SLC7A5: variants seen among roughly 807,000 people sequenced by gnomAD.
SLC7A5 encodes the protein large neutral amino acids transporter small subunit 1.
A neutral mutation model predicts 50.2 loss-of-function variants in SLC7A5; 23 were observed. The ratio of observed to expected loss-of-function variants is 0.46; its 90% CI spans 0.33 to 0.65. The LOEUF (loss-of-function observed/expected upper bound fraction) is 0.65. Ranked by LOEUF, SLC7A5 falls within the 30% of genes least tolerant of loss-of-function variation. The probability of loss-of-function intolerance (pLI) is 0.02; values close to 1 mark genes in which losing one functional copy is unlikely to be tolerated. For synonymous variants in SLC7A5, 393 were observed against 330.6 expected (o/e 1.19, Z -2.05); for missense variants, 578 against 684.4 (o/e 0.84, Z 1.73).
At position 87,869,283 on chromosome 16, in the gene SLC7A5, T is replaced by C. The variant is rs752043592; in HGVS notation, c.140A>G (p.Gln47Arg). ...PAGEGEGVTLQRNITLLNGVA... is the reference protein window; with the variant it reads ...PAGEGEGVTLRRNITLLNGVA... ...GCCGTTGAGCAGCGTGATGTTCCGC[T>C]GCAGGGTCACGCCCTCGCCCTCGCC... Residue 47 changes from glutamine (Q) to arginine (R), a missense_variant, in exon 1 of 10, where the codon CAG becomes CGG. Gln to Arg is a conservative substitution (Grantham distance 43). Coordinates refer to ENST00000261622, the MANE Select transcript of SLC7A5 (RefSeq NM_003486.7). The C allele has an allele frequency of 5.0e-6, 8 of 1,611,996 alleles. No individual in the cohort carries two copies. The African/African-American group carries it at 5.3e-5, about 11-fold the overall frequency.
In SLC7A5 at chr16:87,865,932, A is replaced by T. The variant is rs1173926009; in HGVS notation, c.538+2953T>A. 5.9e-5 allele frequency among the ~76,000 whole-genome samples: 9 copies of T among 152,298 alleles called. No homozygotes were observed. The South Asian group carries it at 1.0e-3, about 18-fold the overall frequency. On this transcript the variant is annotated intron_variant, in intron 1 of 9. Coordinates refer to ENST00000261622, the MANE Select transcript of SLC7A5 (RefSeq NM_003486.7). ...TAAGCTCCGGAGGTTGAGGCAGGAG[A>T]ATCGTTTAAACCCAGGAAGCAGAGG...
rs2054928045 is a variant in SLC7A5, at chr16:87,830,937, G to C, written c.*2033C>G. On this transcript the variant is annotated 3_prime_UTR_variant, in exon 10 of 10. Transcript: ENST00000261622. ...CCTAGCCGAGGCGGGAAGGTAAGAGGCTGACGTCGTGCGTGGGCCCCGCCG... is the reference window on the plus strand; with the variant it reads ...CCTAGCCGAGGCGGGAAGGTAAGAGCCTGACGTCGTGCGTGGGCCCCGCCG... 1 of 152,300 alleles carries C rather than the reference G, an allele frequency of 6.6e-6. No individual in the cohort carries two copies. The highest frequency in any genetic ancestry group is 2.4e-5 in the African/African-American group (1 of 41,448). 9.4% of individuals were successfully genotyped at this position (152,300 alleles called of 1,614,324 possible).
intron 3 of SLC7A5, 47 bp from the exon 4 acceptor site, chr16:87,840,520 AAAAT>A: frequency 6.8e-7 from 1 of 1,481,212 alleles, no homozygotes; most frequent in East Asian, 2.3e-5. Context: ...CTCATCAGGG[AAAAT>A]AAATCACCGG....
Position 87,848,744 on chromosome 16 carries a change from G to T in SLC7A5, c.664+2980C>A, listed in dbSNP as rs1267697925. On this transcript the variant is annotated intron_variant, in intron 2 of 9. Transcript: ENST00000261622. ...ACCAGGGCCCCGCTTATTCCCCACT[G>T]CGACTCTCCCATTCACGTGCCTATG... is the stretch of plus-strand genomic sequence containing the variant. Among the ~76,000 whole-genome samples, 2 of 152,190 alleles carry T rather than the reference G, an allele frequency of 1.3e-5. 1 individual carries two copies. The highest frequency in any genetic ancestry group is 1.3e-4 in the Admixed American group (2 of 15,284).
At chr16:87,851,696 G>A (rs33975475) in intron 2 of SLC7A5, 28 bp downstream of exon 2, 45,479 of 1,603,632 alleles carry the variant, frequency 0.028, 1,015 homozygotes, top group Non-Finnish European at 0.031. Context: ...TCGAGGGGCC[G>A]CCGGTGGGGC....
At chr16:87,851,944 C>G (rs1379336740) in intron 1 of SLC7A5, 95 bp from the exon 2 acceptor site, 6 of 1,460,928 alleles carry the variant, frequency 4.1e-6, no homozygotes, top group Non-Finnish European at 5.7e-6. Flanking sequence ...CACCCCAGGG[C>G]CAGGTCCACC....
intron 1 of SLC7A5, among the ~76,000 whole-genome samples, chr16:87,866,110 T>G (rs4843273): frequency 0.39 from 58,134 of 150,160 alleles, 11,620 homozygotes; most frequent in African/African-American, 0.48. Flanking sequence ...GGGGCGGGGG[T>G]GCGGTGAGCA....
intron 3 of SLC7A5, among the ~76,000 whole-genome samples, chr16:87,840,805 C>T (rs565012113): frequency 2.0e-5 from 3 of 152,320 alleles, no homozygotes; most frequent in East Asian, 3.9e-4. Flanking sequence ...CTGCCACCTT[C>T]GCCAAGACTG....
intron 4 of SLC7A5, 128 bp from the exon 5 acceptor site, chr16:87,839,953 G>A: frequency 1.6e-6 from 2 of 1,279,536 alleles, no homozygotes; most frequent in Non-Finnish European, 2.2e-6. Flanking sequence ...CTCGGGGAAG[G>A]TGGGAAGCAG....
intron 3 of SLC7A5, 139 bp downstream of exon 3, chr16:87,840,911 T>C: frequency 1.5e-6 from 1 of 664,220 alleles, no homozygotes. Flanking sequence ...TGCCACTCTT[T>C]AACTGCCAAG....
At chr16:87,864,279 C>T (rs187586662) in intron 1 of SLC7A5, among the ~76,000 whole-genome samples, 11 of 151,414 alleles carry the variant, frequency 7.3e-5, no homozygotes, top group African/African-American at 1.9e-4. Context: ...ACAAAAAGAG[C>T]GAAACTCCAC....
At chr16:87,836,854 C>T (rs1030864790) in intron 7 of SLC7A5, 8 of 241,536 alleles carry the variant, frequency 3.3e-5, no homozygotes, top group South Asian at 1.9e-4. Flanking sequence ...AGGGAAGAGG[C>T]GGGGAGGAGG....
rs567328410 is a variant in SLC7A5 at position 87,844,761 on chromosome 16, C to T, written c.665-3606G>A. ...GGACAAGAGAGTCACTCCTCAAGCGCGGACTTTCCACTGTGCTGGGGCCTT... is the reference window on the plus strand; with the variant it reads ...GGACAAGAGAGTCACTCCTCAAGCGTGGACTTTCCACTGTGCTGGGGCCTT... On this transcript the variant is annotated intron_variant, in intron 2 of 9. Transcript: ENST00000261622. 1.9e-4 allele frequency among the ~76,000 whole-genome samples: 29 copies of T among 152,388 alleles called. No homozygotes were observed. In the South Asian group the frequency reaches 4.3e-3, roughly 23 times the overall value.
At chr16:87,856,912 T>C (rs1313714860) in intron 1 of SLC7A5, among the ~76,000 whole-genome samples, 4 of 152,240 alleles carry the variant, frequency 2.6e-5, no homozygotes, top group Admixed American at 6.5e-5. Context: ...AGACAACACA[T>C]CTGCACAGAA....
At chr16:87,856,463 C>A (rs565025233) in intron 1 of SLC7A5, among the ~76,000 whole-genome samples, 1 of 152,214 alleles carries the variant, frequency 6.6e-6, no homozygotes, top group Non-Finnish European at 1.5e-5. Context: ...GGCCGGAGAG[C>A]GGCAGCTGAC....
intron 8 of SLC7A5, among the ~76,000 whole-genome samples, chr16:87,835,289 G>A (rs111468954): frequency 6.6e-6 from 1 of 152,190 alleles, no homozygotes; most frequent in African/African-American, 2.4e-5. Flanking sequence ...CACAACAGTG[G>A]GTAGAGCCTA....
rs555141953 is a variant in SLC7A5, at chr16:87,836,200, C to T, written c.1290+298G>A. 3.3e-5 allele frequency among the ~76,000 whole-genome samples: 5 copies of T among 152,358 alleles called. No homozygotes were observed. In the South Asian group the frequency reaches 1.0e-3, roughly 32 times the overall value. On this transcript the variant is annotated intron_variant, in intron 8 of 9. Coordinates refer to ENST00000261622, the MANE Select transcript of SLC7A5 (RefSeq NM_003486.7). Reference sequence around the variant, plus strand: ...AGGCCCGGCTCTGCCCCGCCCCTGCCGGGGCTCACCACCGCCCACCTATGA... The same window carrying T: ...AGGCCCGGCTCTGCCCCGCCCCTGCTGGGGCTCACCACCGCCCACCTATGA...
intron 2 of SLC7A5, among the ~76,000 whole-genome samples, chr16:87,842,520 C>A (rs75797585): frequency 0.051 from 7,763 of 152,326 alleles, 269 homozygotes; most frequent in Middle Eastern, 0.17. Context: ...GCAGAGCCCA[C>A]GGTGGGGTCC....
intron 7 of SLC7A5, chr16:87,837,549 G>C (rs1294091705): frequency 2.3e-6 from 1 of 441,776 alleles, no homozygotes. Context: ...CAGAGTGGGC[G>C]CCCACGGAGG....
Sources: gnomAD v4.1 joint callset for allele counts (sites outside exome capture counted in the v4.1 genomes callset) on GRCh38, gnomAD v4.1.1 for gene constraint, MANE v1.5 for transcripts, NCBI Gene and HGNC (gene_info 2026-07-23, HGNC 2026-07-21) for gene names.